Variants in LRP1B observed in about 807,000 individuals in gnomAD.
LRP1B encodes the protein LDL receptor related protein 1B.
A neutral mutation model predicts 556.6 loss-of-function variants in LRP1B; 217 were observed. The ratio of observed to expected loss-of-function variants is 0.39; its 90% CI spans 0.35 to 0.44. The LOEUF is 0.44. Among genes scored for constraint, LRP1B ranks in the 20% least tolerant of loss-of-function variants. The pLI is 1.00. For missense variants in LRP1B, 5,053 were observed against 5,620.8 expected (o/e 0.90, Z 3.23); for synonymous variants, 2,047 against 1,865.8 (o/e 1.10, Z -2.50).
intron 7 of LRP1B, among the ~76,000 whole-genome samples, chr2:141,175,427 C>A (rs1263890185): frequency 1.3e-5 from 2 of 152,132 alleles, no homozygotes. Context: ...AGCAGCTGCT[C>A]CAGCTCCAGC....
At chr2:141,861,060 C>T (rs955665736) in intron 1 of LRP1B, among the ~76,000 whole-genome samples, 14 of 152,198 alleles carry the variant, frequency 9.2e-5, no homozygotes, top group East Asian at 3.9e-4. Context: ...ACAATGTATA[C>T]GATAAATTTT....
intron 77 of LRP1B, among the ~76,000 whole-genome samples, chr2:140,339,500 TTG>T (rs1179271436): frequency 2.6e-5 from 4 of 151,630 alleles, no homozygotes; most frequent in African/African-American, 9.7e-5. Flanking sequence ...AAAATTTGAG[TTG>T]TTTTATTAAA....
chr2:140,562,830 G>A (rs1680980813), intron 43 of LRP1B, among the ~76,000 whole-genome samples: 1 of 151,922 alleles, frequency 6.6e-6, no homozygotes, highest in Non-Finnish European at 1.5e-5. Context: ...TAGCCAGGCT[G>A]GTCTCCAACT....
intron 1 of LRP1B, among the ~76,000 whole-genome samples, chr2:141,978,141 G>A (rs1248335725): frequency 1.3e-5 from 2 of 151,950 alleles, no homozygotes; most frequent in Non-Finnish European, 2.9e-5. Flanking sequence ...AACAAATTTT[G>A]CAATTGTAAT....
intron 1 of LRP1B, among the ~76,000 whole-genome samples, chr2:142,125,116 A>G (rs1707596144): frequency 6.6e-6 from 1 of 151,802 alleles, no homozygotes; most frequent in Admixed American, 6.6e-5. Flanking sequence ...CATAATACAT[A>G]CTTTCTAACT....
intron 2 of LRP1B, among the ~76,000 whole-genome samples, chr2:141,483,210 G>A (rs1357174055): frequency 1.4e-5 from 2 of 147,768 alleles, no homozygotes; most frequent in Non-Finnish European, 1.5e-5. Context: ...AGAACATGCG[G>A]TGTTTGGTTT....
intron 47 of LRP1B, among the ~76,000 whole-genome samples, chr2:140,532,827 T>G (rs1442500531): frequency 1.3e-5 from 2 of 151,524 alleles, no homozygotes; most frequent in Non-Finnish European, 2.9e-5. Flanking sequence ...AGTTTAAGAC[T>G]CAGTTTAAAT....
chr2:141,266,908 G>T (rs909993270), intron 3 of LRP1B, among the ~76,000 whole-genome samples: 4 of 152,096 alleles, frequency 2.6e-5, no homozygotes, highest in African/African-American at 9.7e-5. Flanking sequence ...AGTTATTACT[G>T]GGAATATTGT....
intron 66 of LRP1B, among the ~76,000 whole-genome samples, chr2:140,422,199 G>A (rs145755883): frequency 6.6e-6 from 1 of 152,196 alleles, no homozygotes; most frequent in East Asian, 1.9e-4. Flanking sequence ...TAGCAAAAGA[G>A]ATATTCGATC....
chr2:142,010,336 C>T (rs894587556), intron 1 of LRP1B, among the ~76,000 whole-genome samples: 5 of 151,774 alleles, frequency 3.3e-5, no homozygotes, highest in African/African-American at 9.7e-5. Flanking sequence ...GGGTGGATCA[C>T]GAGGTCAGGA....
intron 43 of LRP1B, among the ~76,000 whole-genome samples, chr2:140,580,010 A>G (rs1681698633): frequency 6.6e-6 from 1 of 152,096 alleles, no homozygotes; most frequent in African/African-American, 2.4e-5. Context: ...ATTTCTGTCC[A>G]TGTGAACTAA....
chr2:141,704,766 G>A (rs750380738), intron 2 of LRP1B, among the ~76,000 whole-genome samples: 8 of 151,864 alleles, frequency 5.3e-5, no homozygotes, highest in Non-Finnish European at 8.8e-5. Flanking sequence ...CCAAGGATCC[G>A]CCCATATCTT....
intron 3 of LRP1B, among the ~76,000 whole-genome samples, chr2:141,350,739 T>C (rs1005441227): frequency 3.3e-5 from 5 of 152,056 alleles, no homozygotes; most frequent in African/African-American, 4.8e-5. Flanking sequence ...CAGGTAATCA[T>C]GGAAAAGCCA....
chr2:140,332,382 T>C (rs1680859808), intron 79 of LRP1B, among the ~76,000 whole-genome samples: 1 of 152,042 alleles, frequency 6.6e-6, no homozygotes, highest in Non-Finnish European at 1.5e-5. Flanking sequence ...CCATAAGAGT[T>C]GTTGAGCAGA....
At chr2:141,178,449 A>G (rs1680838424) in intron 7 of LRP1B, among the ~76,000 whole-genome samples, 1 of 152,132 alleles carries the variant, frequency 6.6e-6, no homozygotes, top group Non-Finnish European at 1.5e-5. Flanking sequence ...GTGGATTCAG[A>G]TATCTTTGAG....
chr2:140,800,606 A>C, intron 32 of LRP1B, among the ~76,000 whole-genome samples: 1 of 152,204 alleles, frequency 6.6e-6, no homozygotes, highest in Admixed American at 6.5e-5. Context: ...ATTACTGTTA[A>C]AAATAATAAT....
At chr2:142,013,631 T>G (rs908539571) in intron 1 of LRP1B, among the ~76,000 whole-genome samples, 1 of 151,778 alleles carries the variant, frequency 6.6e-6, no homozygotes, top group Non-Finnish European at 1.5e-5. Context: ...GATTAAAGAG[T>G]TATGAGAAGT....
At chr2:141,206,526 G>A (rs894322212) in intron 6 of LRP1B, among the ~76,000 whole-genome samples, 1 of 152,022 alleles carries the variant, frequency 6.6e-6, no homozygotes, top group Non-Finnish European at 1.5e-5. Flanking sequence ...GGCGGAGCTT[G>A]CAGTGAGCCG....
In LRP1B at chr2:140,444,399, A is replaced by G. The variant is rs1686563455; in HGVS notation, c.10225T>C (p.Cys3409Arg). The change falls in exon 65 of 91, where the codon TGT (cysteine) becomes CGT (arginine). Residue 3409 changes from cysteine to arginine, a missense_variant. Physicochemically the swap from Cys to Arg is radical, Grantham distance 180 (BLOSUM62 -3). Transcript: ENST00000389484. ...TTACATCTTAAGTTTACTGGGATAC[A>G]TTTCTGGTTCTTGGTACATTTGAAT... The part of the protein sequence containing the change: ...GQFKCTKNQK[C>R]IPVNLRCNGQ... 6.2e-7 allele frequency: 1 copy of G among 1,613,886 alleles called. No individual in the cohort carries two copies. Among genetic ancestry groups the G allele is most frequent in the African/African-American group, 1.3e-5 (1 of 74,920 alleles).
Sources: allele counts gnomAD v4.1 joint callset (sites outside exome capture counted in the v4.1 genomes callset), GRCh38; gene constraint gnomAD v4.1.1; transcripts MANE v1.5; gene names NCBI Gene and HGNC (gene_info 2026-07-23, HGNC 2026-07-21).